Variants in ZNF438 observed in about 807,000 individuals in gnomAD.
ZNF438 encodes zinc finger protein 438.
ZNF438 carries 25 observed loss-of-function variants against 38.0 expected under a neutral mutation model. The observed-to-expected ratio is 0.66, with a 90% CI of 0.48 to 0.92. The LOEUF (loss-of-function observed/expected upper bound fraction) is 0.92, where lower values mean the gene tolerates loss of function less well. Ranked by LOEUF, ZNF438 falls within the 40% of genes least tolerant of loss-of-function variation. ZNF438 has a pLI of 0.00. For missense variants in ZNF438, 1,007 were observed against 999.6 expected (o/e 1.01, Z -0.10); for synonymous variants, 372 against 364.1 (o/e 1.02, Z -0.25).
intron 1 of ZNF438, among the ~76,000 whole-genome samples, chr10:30,960,829 T>C (rs1189771730): frequency 6.8e-6 from 1 of 146,936 alleles, no homozygotes; most frequent in Non-Finnish European, 1.5e-5. Flanking sequence ...ATAGGCTATA[T>C]TTTAAAGACG....
chr10:30,900,101 A>T (rs548448377), intron 3 of ZNF438, among the ~76,000 whole-genome samples: 1 of 152,326 alleles, frequency 6.6e-6, no homozygotes, highest in East Asian at 1.9e-4. Flanking sequence ...CTATTCTACT[A>T]GTGTAGTAAG....
At chr10:30,991,129 C>T (rs1384035745) in intron 1 of ZNF438, among the ~76,000 whole-genome samples, 2 of 152,176 alleles carry the variant, frequency 1.3e-5, no homozygotes, top group Non-Finnish European at 2.9e-5. Flanking sequence ...CAAGCTCTGA[C>T]TTATGTCTTA....
At chr10:30,953,741 A>G (rs989727438) in intron 1 of ZNF438, among the ~76,000 whole-genome samples, 1 of 152,098 alleles carries the variant, frequency 6.6e-6, no homozygotes, top group Non-Finnish European at 1.5e-5. Flanking sequence ...ACTTAAGAAG[A>G]CTGTTAGTGA....
intron 1 of ZNF438, among the ~76,000 whole-genome samples, chr10:30,989,661 A>G (rs2053257431): frequency 6.6e-6 from 1 of 152,190 alleles, no homozygotes. Flanking sequence ...AAAAATATGG[A>G]TTTTAATGTT....
chr10:30,947,640 A>G (rs1302166347), intron 1 of ZNF438, among the ~76,000 whole-genome samples: 4 of 152,214 alleles, frequency 2.6e-5, no homozygotes, highest in Non-Finnish European at 5.9e-5. Context: ...GCCGCCTTGC[A>G]GTTTGATCTC....
At chr10:30,993,588 G>C (rs532753946) in intron 1 of ZNF438, among the ~76,000 whole-genome samples, 1 of 152,384 alleles carries the variant, frequency 6.6e-6, no homozygotes, top group South Asian at 2.1e-4. Context: ...CCCTGGCAGA[G>C]ACTTGTCAAC....
At chr10:31,000,795 T>C (rs1177291538) in intron 1 of ZNF438, among the ~76,000 whole-genome samples, 1 of 151,866 alleles carries the variant, frequency 6.6e-6, no homozygotes, top group Non-Finnish European at 1.5e-5. Context: ...AAAACTTTTC[T>C]TGTGTTTCCT....
chr10:30,855,912 T>C (rs2034542227), intron 4 of ZNF438, among the ~76,000 whole-genome samples: 1 of 152,228 alleles, frequency 6.6e-6, no homozygotes, highest in Non-Finnish European at 1.5e-5. Flanking sequence ...CTGGAGGAAC[T>C]AAGAAGTCAG....
At chr10:30,985,419 A>T (rs1167566434) in intron 1 of ZNF438, among the ~76,000 whole-genome samples, 1 of 152,240 alleles carries the variant, frequency 6.6e-6, no homozygotes, top group Non-Finnish European at 1.5e-5. Flanking sequence ...TCTCTTTTAC[A>T]TCATCAAAGT....
intron 3 of ZNF438, among the ~76,000 whole-genome samples, chr10:30,905,265 A>G (rs78040534): frequency 2.0e-5 from 3 of 152,216 alleles, no homozygotes; most frequent in African/African-American, 7.2e-5. Flanking sequence ...AATGTCAACA[A>G]ATCCTCACTA....
chr10:30,993,639 C>T (rs1209279247), intron 1 of ZNF438, among the ~76,000 whole-genome samples: 2 of 152,244 alleles, frequency 1.3e-5, no homozygotes, highest in Admixed American at 6.5e-5. Context: ...TAGGGCAATG[C>T]CTAGTGCAGC....
chr10:30,956,540 T>C (rs2048883851), intron 1 of ZNF438, among the ~76,000 whole-genome samples: 1 of 152,212 alleles, frequency 6.6e-6, no homozygotes. Context: ...TTGCACTTGT[T>C]GACCAACCTC....
chr10:30,857,333 C>T (rs1231152561), intron 4 of ZNF438, among the ~76,000 whole-genome samples: 1 of 148,970 alleles, frequency 6.7e-6, no homozygotes, highest in Non-Finnish European at 1.5e-5. Flanking sequence ...TGGCTCACTG[C>T]AACCTCTACC....
chr10:30,889,556 C>T (rs2040414359), intron 3 of ZNF438, among the ~76,000 whole-genome samples: 1 of 152,150 alleles, frequency 6.6e-6, no homozygotes, highest in Admixed American at 6.5e-5. Context: ...CAGGCGTGTG[C>T]CACCACATGC....
At chr10:30,947,746 C>T (rs567303564) in intron 1 of ZNF438, among the ~76,000 whole-genome samples, 6 of 151,744 alleles carry the variant, frequency 4.0e-5, no homozygotes, top group African/African-American at 4.9e-5. Context: ...TTTTTAAGCC[C>T]GTCGGAAAAG....
rs926849135 is a variant in ZNF438 at position 30,942,635 on chromosome 10, T to G, written c.-191-984A>C. On this transcript the variant is annotated intron_variant, in intron 1 of 5. Coordinates refer to ENST00000413025, the Ensembl canonical transcript of ZNF438. Reference sequence around the variant, plus strand: ...TTTCTTTCCAATCAGAATCATGCATTGTTTACATGAACCATGAACTTAAGA... The same window carrying G: ...TTTCTTTCCAATCAGAATCATGCATGGTTTACATGAACCATGAACTTAAGA... 4.0e-5 allele frequency among the ~76,000 whole-genome samples: 6 copies of G among 151,720 alleles called. No homozygotes were observed. The East Asian group carries it at 9.6e-4, about 24-fold the overall frequency.
intron 4 of ZNF438, among the ~76,000 whole-genome samples, chr10:30,856,393 T>G (rs2034636351): frequency 6.6e-6 from 1 of 152,208 alleles, no homozygotes; most frequent in African/African-American, 2.4e-5. Flanking sequence ...TTTTGTTTTG[T>G]TTTTTAGTAG....
chr10:30,990,876 T>A (rs1250111053), intron 1 of ZNF438, among the ~76,000 whole-genome samples: 1 of 151,226 alleles, frequency 6.6e-6, no homozygotes, highest in Admixed American at 6.6e-5. Flanking sequence ...TTTTTTTTAA[T>A]GAGCAAAACC....
At chr10:30,947,480 T>C (rs536317430) in intron 1 of ZNF438, among the ~76,000 whole-genome samples, 99 of 152,366 alleles carry the variant, frequency 6.5e-4, no homozygotes, top group East Asian at 2.1e-3. Context: ...GTCTTTTTGT[T>C]TGTCTGTGCC....
Sources: gnomAD v4.1 joint callset for allele counts (sites outside exome capture counted in the v4.1 genomes callset) on GRCh38, gnomAD v4.1.1 for gene constraint, MANE v1.5 for transcripts, NCBI Gene and HGNC (gene_info 2026-07-23, HGNC 2026-07-21) for gene names.